Variants in ITPR3 observed in about 807,000 individuals in gnomAD.
ITPR3 encodes inositol 1,4,5-trisphosphate-gated calcium channel ITPR3.
A neutral mutation model predicts 293.2 loss-of-function variants in ITPR3; 173 were observed. That is an observed-to-expected ratio of 0.59 (90% CI 0.52 to 0.67). The LOEUF (loss-of-function observed/expected upper bound fraction) is 0.67. Ranked by LOEUF, ITPR3 falls within the 30% of genes least tolerant of loss-of-function variation. The pLI, the probability that ITPR3 is intolerant of heterozygous loss-of-function variation, is 0.00. For missense variants in ITPR3, 2,796 were observed against 3,592.1 expected (o/e 0.78, Z 5.66); for synonymous variants, 1,295 against 1,444.4 (o/e 0.90, Z 2.35).
chr6:33,678,028 G>A (rs1440079203), intron 28 of ITPR3, among the ~76,000 whole-genome samples: 1 of 152,018 alleles, frequency 6.6e-6, no homozygotes, highest in Non-Finnish European at 1.5e-5. Context: ...TGCTGGCCTT[G>A]TCCTGACCCC....
intron 24 of ITPR3, among the ~76,000 whole-genome samples, chr6:33,674,552 G>A (rs900414485): frequency 3.3e-5 from 5 of 152,198 alleles, no homozygotes; most frequent in South Asian, 2.1e-4. Flanking sequence ...CTGGAACAAC[G>A]TCCCCAGTCC....
intron 21 of ITPR3, 70 bp from the exon 22 acceptor site, chr6:33,671,940 GCATCCTCTGCCTCCCTCAT>G: frequency 8.1e-7 from 1 of 1,234,220 alleles, no homozygotes; most frequent in Non-Finnish European, 1.1e-6. Flanking sequence ...AACAGATTAT[GCATCCTCTGCCTCCCTCAT>G]CAGACCAGGG....
Position 33,696,208 on chromosome 6 carries a change from G to A in ITPR3, c.*428G>A, listed in dbSNP as rs925766328. The stretch of plus-strand genomic sequence containing the variant: ...TTATGCTGTTACTAGTGATTTTAGG[G>A]CTTTGTTATTTAACTTATTTCAAGG... On this transcript the variant is annotated 3_prime_UTR_variant, in exon 58 of 58. Coordinates refer to ENST00000605930, the MANE Select transcript of ITPR3 (RefSeq NM_002224.4). 1.2e-4 allele frequency: 24 copies of A among 194,970 alleles called. No homozygotes were observed. Among genetic ancestry groups the A allele is most frequent in the African/African-American group, 5.8e-4 (24 of 41,266 alleles). The allele number at this position is 194,970 out of a possible 1,614,324, so 12.1% of individuals were successfully genotyped here.
chr6:33,689,531 G>T, intron 50 of ITPR3, 121 bp downstream of exon 50: 1 of 1,151,512 alleles, frequency 8.7e-7, no homozygotes. Context: ...TCTCTGTTGG[G>T]CTCCCAAGTT....
In ITPR3 at chr6:33,675,723, A is replaced by T; in HGVS notation, c.3149A>T (p.Glu1050Val). 6.2e-7 allele frequency: 1 copy of T among 1,609,872 alleles called. No individual in the cohort carries two copies. The highest frequency in any genetic ancestry group is 8.5e-7 in the Non-Finnish European group (1 of 1,177,990). ...KTSSMLEVDDEGGRMFLRVLI... is the reference protein window; with the variant it reads ...KTSSMLEVDDVGGRMFLRVLI... ...AGCAGCATGCTGGAGGTGGATGACG[A>T]GGGCGGCCGCATGTTCCTGCGCGTG... Residue 1050 changes from glutamate (E) to valine (V), a missense_variant, in exon 25 of 58, where the codon GAG becomes GTG. Glu to Val is a moderately radical substitution (Grantham distance 121). This residue lies in a region of ITPR3 where 955 missense variants were observed against 1,180.8 expected (regional missense o/e 0.81). Coordinates refer to ENST00000605930, the MANE Select transcript of ITPR3 (RefSeq NM_002224.4). The surrounding 1 kb of genome is among the most constrained non-coding windows in gnomAD (Gnocchi z 5.0).
Position 33,679,827 on chromosome 6 carries a change from A to G in ITPR3, c.3973-55A>G. 2 of 1,562,428 alleles carry G rather than the reference A, an allele frequency of 1.3e-6. No homozygotes were observed. Among genetic ancestry groups the G allele is most frequent in the Middle Eastern group, 1.7e-4 (1 of 5,824 alleles). On this transcript the variant is annotated intron_variant, in intron 30 of 57. Transcript: ENST00000605930. This position sits in a 1 kb window ranked among gnomAD's most constrained non-coding sequence, Gnocchi z 4.2. ...CTCCCTGGTAAGCAACGGAGAGGAG[A>G]GCCCAGGGCTTGCTGGACCGAGAGA... is the stretch of plus-strand genomic sequence containing the variant.
Position 33,653,145 on chromosome 6 carries a change from C to T in ITPR3, c.161-2621C>T, listed in dbSNP as rs564286265. On this transcript the variant is annotated intron_variant, in intron 2 of 57. Coordinates refer to ENST00000605930, the MANE Select transcript of ITPR3 (RefSeq NM_002224.4). ...GCTGGTCTTGAAATCTTGGCTCAAG[C>T]GAACCTCCTGCCTCAGCCTCTTGAG... 1.5e-3 allele frequency among the ~76,000 whole-genome samples: 233 copies of T among 151,874 alleles called. 1 individual carries two copies. Among genetic ancestry groups the T allele is most frequent in the African/African-American group, 4.9e-3 (202 of 41,394 alleles).
intron 25 of ITPR3, among the ~76,000 whole-genome samples, chr6:33,676,188 T>TG (rs1184806913): frequency 1.3e-5 from 2 of 152,240 alleles, no homozygotes; most frequent in African/African-American, 4.8e-5. Flanking sequence ...CAGCTCCCTG[T>TG]GAAATATCAA....
rs201373316 is a variant in ITPR3, at chr6:33,621,671, T to G, written c.69T>G (p.Asn23Lys). The G allele has an allele frequency of 2.5e-6, 4 of 1,609,936 alleles. No homozygotes were observed. Among genetic ancestry groups the G allele is most frequent in the Non-Finnish European group, 3.4e-6 (4 of 1,178,192 alleles). ...CCCTGTACGCCGAGGGCTCCGTCAA[T>G]GGCTTCATCAGCACTTTGGGGTGAG... ...IVSLYAEGSV[N>K]GFISTLGLVD... The change falls in exon 1 of 58, where the codon AAT (asparagine) becomes AAG (lysine). Residue 23 changes from asparagine to lysine, a missense_variant. Transcript: ENST00000605930. This position sits in a 1 kb window ranked among gnomAD's most constrained non-coding sequence, Gnocchi z 7.7.
chr6:33,687,010 A>G lies in ITPR3; in HGVS notation c.5981A>G (p.Asp1994Gly), dbSNP rs1161900702. 1 of 1,613,700 alleles carries G rather than the reference A, an allele frequency of 6.2e-7. No individual in the cohort carries two copies. Among genetic ancestry groups the G allele is most frequent in the Non-Finnish European group, 8.5e-7 (1 of 1,179,814 alleles). ...GCCTCCCTCTGCCCCTCCACCCAGG[A>G]CAATGCCTCCAAGCTGCTCCTGGCT... ...YRMDLVLQLK[D>G]NASKLLLALM... Residue 1994 changes from aspartate to glycine, a missense_variant and splice_region_variant, in exon 44 of 58, where the codon GAC (aspartate) becomes GGC (glycine). By Grantham distance (94) the Asp-to-Gly change is moderately conservative. Transcript: ENST00000605930. This position sits in a 1 kb window ranked among gnomAD's most constrained non-coding sequence, Gnocchi z 5.3.
In ITPR3 at chr6:33,695,879, TGGCCAGCCTCCACTC is replaced by T; in HGVS notation, c.*100_*114del. 1 of 1,195,782 alleles carries T rather than the reference TGGCCAGCCTCCACTC, an allele frequency of 8.4e-7. No homozygotes were observed. Among genetic ancestry groups the T allele is most frequent in the Non-Finnish European group, 1.2e-6 (1 of 819,354 alleles). The allele number at this position is 1,195,782 out of a possible 1,614,324, so 74.1% of individuals were successfully genotyped here. On this transcript the variant is annotated 3_prime_UTR_variant, in exon 58 of 58. Transcript: ENST00000605930. ...CCTCGGGTTGGGTGGCCCAGCCAGC[TGGCCAGCCTCCACTC>T]CCACTCTGCCAGACACCCTGACACC...
Position 33,682,641 on chromosome 6 carries a change from G to A in ITPR3, c.4594G>A (p.Val1532Met). ...GGCCTGCATCCGGACCCTCGCCATGGTGGGTGAGTGTGCCGGGGCACTGGC... is the reference window on the plus strand; with the variant it reads ...GGCCTGCATCCGGACCCTCGCCATGATGGGTGAGTGTGCCGGGGCACTGGC... ...VEACIRTLAM[V>M]AKGRAILLPM... is the part of the protein sequence containing the mutation. Residue 1532 changes from valine (V) to methionine (M), a missense_variant, in exon 34 of 58, where the codon GTG becomes ATG. Transcript: ENST00000605930. The surrounding 1 kb of genome is among the most constrained non-coding windows in gnomAD (Gnocchi z 5.4). 1.3e-6 allele frequency: 2 copies of A among 1,594,174 alleles called. No homozygotes were observed. Among genetic ancestry groups the A allele is most frequent in the Non-Finnish European group, 8.5e-7 (1 of 1,172,180 alleles).
rs1582174257 is a variant in ITPR3, at chr6:33,695,092, A to G, written c.7947+7A>G. On this transcript the variant is annotated splice_region_variant and intron_variant, in intron 57 of 57. Coordinates refer to ENST00000605930, the MANE Select transcript of ITPR3 (RefSeq NM_002224.4). The stretch of plus-strand genomic sequence containing the variant: ...CAACGAGCTCAAGGAGCAGGTGTGC[A>G]CCCCGCCTGATCCCAGGCCCACCCT... 4 of 1,612,452 alleles carry G rather than the reference A, an allele frequency of 2.5e-6. No individual in the cohort carries two copies. Among genetic ancestry groups the G allele is most frequent in the Non-Finnish European group, 3.4e-6 (4 of 1,179,484 alleles).
chr6:33,664,897 C>T lies in ITPR3; in HGVS notation c.1176C>T (p.Leu392=), dbSNP rs746147649. Residue 392 remains leucine, a synonymous_variant, in exon 12 of 58, where the codon CTC becomes CTT. Coordinates refer to ENST00000605930, the MANE Select transcript of ITPR3 (RefSeq NM_002224.4). The surrounding 1 kb of genome is among the most constrained non-coding windows in gnomAD (Gnocchi z 4.4). The stretch of plus-strand genomic sequence containing the variant: ...ACTCGTACGTCCGGCTGCGGCACCT[C>T]TGCACCAACACGTGGATTCAGAGCA... ...PRNSYVRLRH[L]CTNTWIQSTN... is the part of the protein sequence containing the mutation. 6.2e-7 allele frequency: 1 copy of T among 1,613,918 alleles called. No homozygotes were observed. The highest frequency in any genetic ancestry group is 1.1e-5 in the South Asian group (1 of 91,072).
At chr6:33,676,647 T>C (rs1582148805) in intron 25 of ITPR3, 121 bp from the exon 26 acceptor site, 5 of 1,170,218 alleles carry the variant, frequency 4.3e-6, no homozygotes, top group Non-Finnish European at 6.0e-6. Flanking sequence ...ATCGGCTCGG[T>C]GGAGAGGGAC....
Position 33,683,317 on chromosome 6 carries a change from A to G in ITPR3, c.4708A>G (p.Lys1570Glu). Residue 1570 changes from lysine to glutamate, a missense_variant, in exon 35 of 58, where the codon AAG (lysine) becomes GAG (glutamate). Lys to Glu is a moderately conservative substitution (Grantham distance 56). Transcript: ENST00000605930. This position sits in a 1 kb window ranked among gnomAD's most constrained non-coding sequence, Gnocchi z 4.5. ...CGCCCAGCGGAACGCCTCCAGCTAC[A>G]AGGCAACCACGCGGGCCTTCCCCCG... is the stretch of plus-strand genomic sequence containing the variant. ...AAAQRNASSY[K>E]ATTRAFPRVT... 6.3e-7 allele frequency: 1 copy of G among 1,591,844 alleles called. No individual in the cohort carries two copies. The highest frequency in any genetic ancestry group is 1.3e-5 in the African/African-American group (1 of 74,808).
chr6:33,695,041 C>G lies in ITPR3; in HGVS notation c.7903C>G (p.Leu2635Val). ...GGACAAGCTCAACTCCACCATGAAG[C>G]TGGTGTCCCACCTCACTGCCCAGCT... ...LQDKLNSTMK[L>V]VSHLTAQLNE... The change falls in exon 57 of 58, where the codon CTG (leucine) becomes GTG (valine). Residue 2635 changes from leucine to valine, a missense_variant. Around this residue, in one of 8 missense-constraint regions of ITPR3, gnomAD observed 568 missense variants for 796.1 expected, o/e 0.71. Coordinates refer to ENST00000605930, the MANE Select transcript of ITPR3 (RefSeq NM_002224.4). 6.2e-7 allele frequency: 1 copy of G among 1,614,092 alleles called. No individual in the cohort carries two copies. Among genetic ancestry groups the G allele is most frequent in the Non-Finnish European group, 8.5e-7 (1 of 1,180,016 alleles).
chr6:33,643,709 C>A (rs1045067398), intron 2 of ITPR3, among the ~76,000 whole-genome samples: 1 of 152,192 alleles, frequency 6.6e-6, no homozygotes, highest in Non-Finnish European at 1.5e-5. Flanking sequence ...AGCCTGCACC[C>A]CCAGCCCCAG....
chr6:33,685,938 C>T (rs1308525751), intron 41 of ITPR3, 111 bp downstream of exon 41: 1 of 1,515,902 alleles, frequency 6.6e-7, no homozygotes, highest in Non-Finnish European at 9.0e-7. Context: ...CTGGGCACTG[C>T]TGCTTTGTGG....
Sources: gnomAD v4.1 joint callset for allele counts (sites outside exome capture counted in the v4.1 genomes callset) on GRCh38, gnomAD v4.1.1 for gene constraint, gnomAD v4.1.1 regional missense constraint, Gnocchi (gnomAD v3.1) non-coding constraint, MANE v1.5 for transcripts, NCBI Gene and HGNC (gene_info 2026-07-23, HGNC 2026-07-21) for gene names.